SLC34A1: variants seen among roughly 807,000 people sequenced by gnomAD.
SLC34A1 encodes solute carrier family 34 member 1.
SLC34A1 carries 57 observed loss-of-function variants against 51.4 expected under a neutral mutation model. The ratio of observed to expected loss-of-function variants is 1.11; its 90% CI spans 0.90 to 1.38. The LOEUF is 1.38. SLC34A1 is among the 40% of genes most tolerant of loss of function. SLC34A1 has a pLI of 0.00. For missense variants in SLC34A1, 796 were observed against 835.6 expected, an observed-to-expected ratio of 0.95 and a Z score of 0.58; for synonymous variants, 368 against 358.0, an observed-to-expected ratio of 1.03 and a Z score of -0.32.
chr5:177,388,657 CTAT>C lies in SLC34A1; in HGVS notation c.936+288_936+290del, dbSNP rs1762688918. 6.6e-6 allele frequency among the ~76,000 whole-genome samples: 1 copy of C among 152,016 alleles called. No individual in the cohort carries two copies. Among genetic ancestry groups the C allele is most frequent in the African/African-American group, 2.4e-5 (1 of 41,358 alleles). On this transcript the variant is annotated intron_variant, in intron 8 of 12. Coordinates refer to ENST00000324417, the MANE Select transcript of SLC34A1 (RefSeq NM_003052.5). This position sits in a 1 kb window ranked among gnomAD's most constrained non-coding sequence, Gnocchi z 4.3. ...AGCATCTTGTGTGCCGTGTGGGAAC[CTAT>C]TAGAGATGCAAATCACCCTGCCCTT... is the stretch of plus-strand genomic sequence containing the variant.
chr5:177,389,594 A>G (rs1272289327), intron 8 of SLC34A1: 2 of 1,536,252 alleles, frequency 1.3e-6, no homozygotes, highest in African/African-American at 1.4e-5. Context: ...CTCTCTGAGC[A>G]CTCTTAGTGC....
chr5:177,397,982 A>C lies in SLC34A1; in HGVS notation c.1616A>C (p.Gln539Pro). The change falls in exon 13 of 13, where the codon CAG becomes CCG. Residue 539 changes from glutamine (Q) to proline (P), a missense_variant. Gln to Pro is a moderately conservative substitution (Grantham distance 76, BLOSUM62 -1). Transcript: ENST00000324417. ...TTTGGCATCTCCATGGCAGGCTGGC[A>C]GGTCATGGTAGGTGTGGGCACGCCC... is the stretch of plus-strand genomic sequence containing the variant. ...LVFGISMAGW[Q>P]VMVGVGTPFG... 6.2e-7 allele frequency: 1 copy of C among 1,613,960 alleles called. No individual in the cohort carries two copies.
At chr5:177,385,901 T>C in intron 2 of SLC34A1, 51 bp downstream of exon 2, 1 of 1,610,572 alleles carries the variant, frequency 6.2e-7, no homozygotes, top group Non-Finnish European at 8.5e-7. Context: ...GTTGCCCACA[T>C]CCCGGATGAG....
rs201141640 is a variant in SLC34A1, at chr5:177,394,153, A to G, written c.1132A>G (p.Lys378Glu). The change falls in exon 10 of 13, where the codon AAG becomes GAG. Residue 378 changes from lysine (K) to glutamate (E), a missense_variant. By Grantham distance (56) the Lys-to-Glu change is moderately conservative. Transcript: ENST00000324417. ...AGTCAAGATGCTCAACTCCCTGCTCAAGGGCCAAGTGGCCAAGGTCATCCA... is the reference window on the plus strand; with the variant it reads ...AGTCAAGATGCTCAACTCCCTGCTCGAGGGCCAAGTGGCCAAGGTCATCCA... ...LLVKMLNSLL[K>E]GQVAKVIQKV... The G allele has an allele frequency of 6.6e-5, 107 of 1,614,070 alleles. No homozygotes were observed. The highest frequency in any genetic ancestry group is 1.2e-4 in the Admixed American group (7 of 60,024).
At chr5:177,392,161 G>T (rs1020603544) in intron 8 of SLC34A1, among the ~76,000 whole-genome samples, 1 of 152,136 alleles carries the variant, frequency 6.6e-6, no homozygotes, top group Admixed American at 6.6e-5. Context: ...TACACCAGAC[G>T]CCATAAAAGT....
chr5:177,392,814 T>A (rs1268842545), intron 8 of SLC34A1, among the ~76,000 whole-genome samples: 1 of 152,128 alleles, frequency 6.6e-6, no homozygotes, highest in Non-Finnish European at 1.5e-5. Context: ...AAGGTCTTGC[T>A]ATGTTGCCCA....
intron 6 of SLC34A1, 46 bp downstream of exon 6, chr5:177,387,919 C>G: frequency 6.2e-7 from 1 of 1,608,384 alleles, no homozygotes; most frequent in Non-Finnish European, 8.5e-7. Context: ...GGGAGGACAG[C>G]CCCAGATGCC....
At position 177,386,353 on chromosome 5, in the gene SLC34A1, G is replaced by C; in HGVS notation, c.388+4G>C. On this transcript the variant is annotated splice_donor_region_variant and intron_variant, in intron 4 of 12. Transcript: ENST00000324417. The surrounding 1 kb of genome is among the most constrained non-coding windows in gnomAD (Gnocchi z 4.8). ...TCGGCCTTCCAGCTGGCTGGAGGTA[G>C]GGCCCGGGTGGAGGAGACCTGGGAG... 1.9e-6 allele frequency: 3 copies of C among 1,614,256 alleles called. No homozygotes were observed. The highest frequency in any genetic ancestry group is 2.5e-6 in the Non-Finnish European group (3 of 1,180,040).
intron 12 of SLC34A1, 154 bp downstream of exon 12, chr5:177,397,228 C>G: frequency 1.1e-6 from 1 of 874,346 alleles, no homozygotes; most frequent in Admixed American, 2.4e-5. Context: ...AAAGTAGACC[C>G]AATACCACCC....
intron 5 of SLC34A1, among the ~76,000 whole-genome samples, chr5:177,387,334 G>T (rs1762620001): frequency 6.6e-6 from 1 of 152,170 alleles, no homozygotes; most frequent in Non-Finnish European, 1.5e-5. Flanking sequence ...GGCAGAGCTT[G>T]CAGTGAGCCG....
intron 10 of SLC34A1, among the ~76,000 whole-genome samples, chr5:177,394,496 G>A (rs1056754738): frequency 3.3e-5 from 5 of 152,288 alleles, no homozygotes; most frequent in Non-Finnish European, 7.4e-5. Context: ...CAGGTATACA[G>A]AGGTGAGACA....
In SLC34A1 at chr5:177,396,083, G is replaced by A. The variant is rs925956330; in HGVS notation, c.1175-650G>A. 6.6e-6 allele frequency among the ~76,000 whole-genome samples: 1 copy of A among 152,116 alleles called. No individual in the cohort carries two copies. Among genetic ancestry groups the A allele is most frequent in the Non-Finnish European group, 1.5e-5 (1 of 68,024 alleles). On this transcript the variant is annotated intron_variant, in intron 10 of 12. Transcript: ENST00000324417. The surrounding 1 kb of genome is among the most constrained non-coding windows in gnomAD (Gnocchi z 4.0). The stretch of plus-strand genomic sequence containing the variant: ...GTGTGAGCCACCTTGCCCAGCCTTG[G>A]TTTTCATTTTAAACTTCATGCACTG...
intron 8 of SLC34A1, 56 bp from the exon 9 acceptor site, chr5:177,393,638 C>T: frequency 6.4e-7 from 1 of 1,566,908 alleles, no homozygotes; most frequent in South Asian, 1.1e-5. Flanking sequence ...CCCATCTCAG[C>T]CCCAACCTCA....
intron 2 of SLC34A1, 25 bp downstream of exon 2, chr5:177,385,875 A>C: frequency 1.9e-6 from 3 of 1,610,762 alleles, no homozygotes; most frequent in Non-Finnish European, 2.5e-6. Context: ...CACACCCTGG[A>C]CCCTGGTTGC....
In SLC34A1 at chr5:177,386,223, T is replaced by G. The variant is rs368522674; in HGVS notation, c.262T>G (p.Ser88Ala). 1.2e-6 allele frequency: 2 copies of G among 1,613,908 alleles called. No individual in the cohort carries two copies. The highest frequency in any genetic ancestry group is 1.7e-6 in the Non-Finnish European group (2 of 1,180,002). ...LALEEEQKPE[S>A]RLVPKLRQAG... Reference sequence around the variant, plus strand: ...TGCTCATGGCTTCCCCCATCCAGAGTCCAGGCTGGTCCCCAAGCTGCGCCA... The same window carrying G: ...TGCTCATGGCTTCCCCCATCCAGAGGCCAGGCTGGTCCCCAAGCTGCGCCA... The change falls in exon 4 of 13, where the codon TCC becomes GCC. Residue 88 changes from serine to alanine, a missense_variant and splice_region_variant. Physicochemically the swap from Ser to Ala is moderately conservative, Grantham distance 99 (BLOSUM62 1). Coordinates refer to ENST00000324417, the MANE Select transcript of SLC34A1 (RefSeq NM_003052.5). This position sits in a 1 kb window ranked among gnomAD's most constrained non-coding sequence, Gnocchi z 4.8.
Position 177,393,321 on chromosome 5 carries a change from C to T in SLC34A1, c.937-373C>T, listed in dbSNP as rs139088393. Among the ~76,000 whole-genome samples, 59 of 151,842 alleles carry T rather than the reference C, an allele frequency of 3.9e-4. 2 individuals carry two copies. The East Asian group carries it at 4.4e-3, about 11-fold the overall frequency. On this transcript the variant is annotated intron_variant, in intron 8 of 12. Transcript: ENST00000324417. The stretch of plus-strand genomic sequence containing the variant: ...AGCCAGGATGCTGGGGAAGGGGCAC[C>T]GAGAAAGGGATGGGTAATAAAAGAT...
intron 8 of SLC34A1, among the ~76,000 whole-genome samples, chr5:177,393,420 G>GA (rs1367436748): frequency 1.3e-5 from 2 of 152,132 alleles, no homozygotes; most frequent in Non-Finnish European, 2.9e-5. Context: ...GGGAGGAAAA[G>GA]AAAGACAGGA....
intron 10 of SLC34A1, 95 bp downstream of exon 10, chr5:177,394,290 C>T (rs1408383185): frequency 3.0e-6 from 4 of 1,320,188 alleles, no homozygotes; most frequent in Middle Eastern, 2.0e-4. Context: ...TAAACCCTAC[C>T]ATCTCTGAGA....
At position 177,386,491 on chromosome 5, in the gene SLC34A1, G is replaced by T; in HGVS notation, c.457G>T (p.Gly153Trp). The change falls in exon 5 of 13, where the codon GGG becomes TGG. Residue 153 changes from glycine to tryptophan, a missense_variant. By Grantham distance (184) the Gly-to-Trp change is radical. Coordinates refer to ENST00000324417, the MANE Select transcript of SLC34A1 (RefSeq NM_003052.5). The surrounding 1 kb of genome is among the most constrained non-coding windows in gnomAD (Gnocchi z 4.8). ...CAACCCGGTGGCCGGGCTGGTGGTG[G>T]GGATCCTGGTGACCGTGCTGGTGCA... is the stretch of plus-strand genomic sequence containing the variant. Reference protein sequence around the residue: ...LSNPVAGLVVGILVTVLVQSS... With the variant: ...LSNPVAGLVVWILVTVLVQSS... The T allele has an allele frequency of 6.2e-7, 1 of 1,614,180 alleles. No individual in the cohort carries two copies. The highest frequency in any genetic ancestry group is 8.5e-7 in the Non-Finnish European group (1 of 1,180,028).
Sources: allele counts gnomAD v4.1 joint callset (sites outside exome capture counted in the v4.1 genomes callset), GRCh38; gene constraint gnomAD v4.1.1; non-coding constraint Gnocchi (gnomAD v3.1); transcripts MANE v1.5; gene names NCBI Gene and HGNC (gene_info 2026-07-23, HGNC 2026-07-21).